Variants in RARB observed in about 807,000 individuals in gnomAD.
RARB encodes the protein retinoic acid receptor beta, also known as HBV-activated protein.
RARB carries 17 observed loss-of-function variants against 51.9 expected under a neutral mutation model. The ratio of observed to expected loss-of-function variants is 0.33; its 90% confidence interval spans 0.22 to 0.49. RARB has a LOEUF of 0.49. Ranked by LOEUF, RARB falls within the 20% of genes least tolerant of loss-of-function variation. The pLI, the probability that RARB is intolerant of heterozygous loss-of-function variation, is 0.99. For synonymous variants in RARB, 215 were observed against 195.4 expected (o/e 1.10, Z -0.84); for missense variants, 369 against 550.8 (o/e 0.67, Z 3.30).
intron 3 of RARB, among the ~76,000 whole-genome samples, chr3:25,086,259 C>T (rs1158415376): frequency 1.3e-5 from 2 of 152,136 alleles, no homozygotes; most frequent in East Asian, 3.9e-4. Flanking sequence ...TGCAATGGGC[C>T]ATCCATAGGA....
chr3:25,200,194 C>T (rs1701355083), intron 5 of RARB, among the ~76,000 whole-genome samples: 1 of 152,058 alleles, frequency 6.6e-6, no homozygotes, highest in Non-Finnish European at 1.5e-5. Flanking sequence ...CTCTGATGGC[C>T]AGTGATGATG....
At chr3:24,980,182 C>A (rs1326980324) in intron 2 of RARB, among the ~76,000 whole-genome samples, 1 of 152,212 alleles carries the variant, frequency 6.6e-6, no homozygotes, top group Non-Finnish European at 1.5e-5. Flanking sequence ...CCTGACCTTT[C>A]TCTCTGGCTG....
chr3:25,090,250 C>CT (rs1320170136), intron 3 of RARB, among the ~76,000 whole-genome samples: 1 of 152,034 alleles, frequency 6.6e-6, no homozygotes, highest in Non-Finnish European at 1.5e-5. Context: ...ATGCATACTT[C>CT]TTTTTTAAGT....
intron 1 of RARB, among the ~76,000 whole-genome samples, chr3:25,454,372 A>G (rs1694782947): frequency 6.6e-6 from 1 of 152,228 alleles, no homozygotes; most frequent in African/African-American, 2.4e-5. Flanking sequence ...CCAAACGAAC[A>G]TTTTGACCAA....
intron 4 of RARB, among the ~76,000 whole-genome samples, chr3:25,144,372 C>G (rs528908802): frequency 1.6e-4 from 24 of 152,008 alleles, no homozygotes; most frequent in Non-Finnish European, 2.5e-4. Flanking sequence ...ACAACAAAAA[C>G]AGTTTTGAGG....
chr3:25,467,254 C>G (rs1695477729), intron 2 of RARB, among the ~76,000 whole-genome samples: 1 of 152,222 alleles, frequency 6.6e-6, no homozygotes, highest in Admixed American at 6.5e-5. Context: ...GCTTCTTCTG[C>G]TTAACAAATA....
intron 2 of RARB, among the ~76,000 whole-genome samples, chr3:25,058,252 T>C (rs1236299548): frequency 1.3e-5 from 2 of 151,868 alleles, no homozygotes; most frequent in African/African-American, 4.8e-5. Context: ...AGATTAATGG[T>C]CTTGATTTTC....
At chr3:25,312,897 A>G (rs1024708387) in intron 5 of RARB, among the ~76,000 whole-genome samples, 6 of 152,130 alleles carry the variant, frequency 3.9e-5, no homozygotes, top group Non-Finnish European at 7.4e-5. Flanking sequence ...CCTGGTGACC[A>G]ATGATCTGTA....
At chr3:25,174,594 T>G (rs759024809) in intron 5 of RARB, 6 of 1,351,678 alleles carry the variant, frequency 4.4e-6, no homozygotes, top group Admixed American at 3.8e-5. Context: ...TGCTGGAATT[T>G]GCTCTCTTTT....
At chr3:25,576,814 C>G (rs1700956360) in intron 4 of RARB, among the ~76,000 whole-genome samples, 1 of 152,210 alleles carries the variant, frequency 6.6e-6, no homozygotes, top group African/African-American at 2.4e-5. Context: ...GCCTTCTCCC[C>G]ACCTGTTGGA....
chr3:25,001,936 T>C (rs6765669), intron 2 of RARB, among the ~76,000 whole-genome samples: 11,008 of 151,946 alleles, frequency 0.072, 1,069 homozygotes, highest in African/African-American at 0.22. Flanking sequence ...CGCCACCCCA[T>C]GTGGCTAATT....
intron 3 of RARB, among the ~76,000 whole-genome samples, chr3:25,520,361 T>C (rs1407040553): frequency 6.6e-6 from 1 of 152,192 alleles, no homozygotes; most frequent in African/African-American, 2.4e-5. Flanking sequence ...ATCTCAACAG[T>C]TCAGTAGGGA....
At chr3:24,966,351 C>T (rs1164026452) in intron 2 of RARB, among the ~76,000 whole-genome samples, 1 of 152,070 alleles carries the variant, frequency 6.6e-6, no homozygotes. Flanking sequence ...ACAATTTTAA[C>T]AAATGAAAGA....
chr3:25,130,904 T>TATTGATAATATTATCAATATTTGTC (rs1699936962), intron 3 of RARB, among the ~76,000 whole-genome samples: 1 of 38,390 alleles, frequency 2.6e-5, no homozygotes, highest in African/African-American at 1.2e-4. Flanking sequence ...ATATCAATAT[T>TATTGATAATATTATCAATATTTGTC]ATTGATAATA....
chr3:25,501,677 C>T (rs6768285), intron 3 of RARB, among the ~76,000 whole-genome samples: 32,876 of 151,980 alleles, frequency 0.22, 3,853 homozygotes, highest in African/African-American at 0.31. Flanking sequence ...TCGCCTGTAT[C>T]GGTGAGGATA....
intron 2 of RARB, among the ~76,000 whole-genome samples, chr3:24,950,234 G>C (rs1022940014): frequency 6.6e-6 from 1 of 152,138 alleles, no homozygotes; most frequent in Non-Finnish European, 1.5e-5. Context: ...TCCTACATAT[G>C]TCTCGAAACA....
chr3:25,596,537 A>T lies in RARB; in HGVS notation c.1268A>T (p.Asn423Ile). ...HEPLTPSSSG[N>I]TAEHSPSISP... ...CCCTTGACCCCAAGTTCAAGTGGGA[A>T]CACAGCAGAGCACAGTCCTAGCATC... is the stretch of plus-strand genomic sequence containing the variant. Residue 423 changes from asparagine to isoleucine, a missense_variant, in exon 8 of 8, where the codon AAC becomes ATC. Around this residue, in one of 9 missense-constraint regions of RARB, gnomAD observed 54 missense variants for 43.4 expected, o/e 1.24. Coordinates refer to ENST00000330688, the MANE Select transcript of RARB (RefSeq NM_000965.5). 6.2e-7 allele frequency: 1 copy of T among 1,613,950 alleles called. No individual in the cohort carries two copies.
chr3:24,877,224 A>G (rs928731358), intron 2 of RARB, among the ~76,000 whole-genome samples: 1 of 151,940 alleles, frequency 6.6e-6, no homozygotes, highest in Non-Finnish European at 1.5e-5. Context: ...ATAGTATCTC[A>G]CTTCTGTTTA....
intron 5 of RARB, among the ~76,000 whole-genome samples, chr3:25,310,162 G>A (rs1180729203): frequency 6.6e-6 from 1 of 152,118 alleles, no homozygotes; most frequent in Non-Finnish European, 1.5e-5. Flanking sequence ...TTTCTTTTTG[G>A]CACGGTGACG....
Sources: allele counts gnomAD v4.1 joint callset (sites outside exome capture counted in the v4.1 genomes callset), GRCh38; gene constraint gnomAD v4.1.1; regional missense constraint gnomAD v4.1.1; transcripts MANE v1.5; gene names NCBI Gene and HGNC (gene_info 2026-07-23, HGNC 2026-07-21).